The following CSMD1 variants were observed in gnomAD, a reference collection of about 807,000 sequenced individuals.
The protein encoded by CSMD1 is CUB and Sushi multiple domains 1.
Under a neutral mutation model 417.5 loss-of-function variants are expected in CSMD1, and 213 were observed. The observed-to-expected ratio is 0.51, with a 90% confidence interval of 0.46 to 0.57. The LOEUF is 0.57. Among genes scored for constraint, CSMD1 ranks in the 20% least tolerant of loss-of-function variants. The probability of loss-of-function intolerance (pLI) is 0.00; values close to 1 mark genes in which losing one functional copy is unlikely to be tolerated. For missense variants in CSMD1, 6,923 were observed against 4,529.7 expected (o/e 1.53, Z -15.17); for synonymous variants, 2,862 against 1,736.8 (o/e 1.65, Z -16.11).
At chr8:4,153,727 C>A (rs1311516078) in intron 3 of CSMD1, among the ~76,000 whole-genome samples, 1 of 152,212 alleles carries the variant, frequency 6.6e-6, no homozygotes, top group East Asian at 1.9e-4. Flanking sequence ...AGAACCCATG[C>A]AGTGGGCACG....
chr8:3,438,016 A>G (rs1316149759), intron 12 of CSMD1, among the ~76,000 whole-genome samples: 1 of 152,110 alleles, frequency 6.6e-6, no homozygotes, highest in Non-Finnish European at 1.5e-5. Flanking sequence ...ACTGATACCT[A>G]TTTCTAAAAT....
chr8:3,491,455 G>A (rs1032592581), intron 11 of CSMD1, among the ~76,000 whole-genome samples: 2 of 152,276 alleles, frequency 1.3e-5, no homozygotes, highest in Non-Finnish European at 2.9e-5. Context: ...AGTTAGCTAG[G>A]ACATTACTAG....
intron 5 of CSMD1, among the ~76,000 whole-genome samples, chr8:3,977,752 T>A (rs542274905): frequency 1.3e-5 from 2 of 152,356 alleles, no homozygotes; most frequent in East Asian, 3.9e-4. Context: ...CACAATTTTG[T>A]GAATCTGCAT....
At chr8:3,524,634 G>A (rs1797678862) in intron 10 of CSMD1, among the ~76,000 whole-genome samples, 1 of 149,396 alleles carries the variant, frequency 6.7e-6, no homozygotes, top group Admixed American at 6.7e-5. Flanking sequence ...TGCACACCCA[G>A]AGAGACATGT....
intron 5 of CSMD1, among the ~76,000 whole-genome samples, chr8:3,825,182 G>T (rs550000461): frequency 6.6e-6 from 1 of 152,196 alleles, no homozygotes; most frequent in Non-Finnish European, 1.5e-5. Context: ...TGAGGGTTTA[G>T]CGTGCTGATT....
At chr8:4,943,978 G>C (rs1808201397) in intron 1 of CSMD1, among the ~76,000 whole-genome samples, 1 of 152,170 alleles carries the variant, frequency 6.6e-6, no homozygotes, top group Non-Finnish European at 1.5e-5. Flanking sequence ...AACATGACAA[G>C]ACATACTGGC....
In CSMD1 at chr8:4,251,865, G is replaced by C. The variant is rs111424865; in HGVS notation, c.415+168088C>G. On this transcript the variant is annotated intron_variant, in intron 3 of 69. Transcript: ENST00000635120. The stretch of plus-strand genomic sequence containing the variant: ...GATGCAGGAGGAGAGATGGAGGAGA[G>C]AGAGGGTGGAGGAAGAGGGGAAGGG... Among the ~76,000 whole-genome samples, 525 of 146,784 alleles carry C rather than the reference G, an allele frequency of 3.6e-3. 2 individuals carry two copies. The highest frequency in any genetic ancestry group is 4.5e-3 in the Non-Finnish European group (299 of 66,418).
chr8:4,930,872 C>G (rs1405014220), intron 1 of CSMD1, among the ~76,000 whole-genome samples: 2 of 152,260 alleles, frequency 1.3e-5, no homozygotes, highest in Admixed American at 1.3e-4. Context: ...AAAGGGTTCC[C>G]AGAATTACTG....
At chr8:4,216,347 G>C (rs192117013) in intron 3 of CSMD1, among the ~76,000 whole-genome samples, 12 of 152,176 alleles carry the variant, frequency 7.9e-5, no homozygotes, top group African/African-American at 2.4e-4. Flanking sequence ...CAGTTCCCTT[G>C]ATCTCATCAC....
chr8:3,466,084 A>G (rs1445511262), intron 12 of CSMD1, among the ~76,000 whole-genome samples: 2 of 152,234 alleles, frequency 1.3e-5, no homozygotes, highest in Admixed American at 1.3e-4. Flanking sequence ...AATTAAAATG[A>G]AAATGCAAAC....
chr8:3,341,996 G>C (rs764154315), intron 23 of CSMD1, among the ~76,000 whole-genome samples: 1 of 152,200 alleles, frequency 6.6e-6, no homozygotes, highest in Non-Finnish European at 1.5e-5. Context: ...ACATTTCTGA[G>C]AGGGAAATCC....
chr8:4,199,873 A>G (rs17069379), intron 3 of CSMD1, among the ~76,000 whole-genome samples: 30,839 of 152,054 alleles, frequency 0.2, 3,297 homozygotes, highest in East Asian at 0.27. Context: ...TACCATGACA[A>G]TATTTTTAGG....
intron 3 of CSMD1, among the ~76,000 whole-genome samples, chr8:4,147,784 C>G (rs1008668403): frequency 6.6e-5 from 10 of 152,074 alleles, no homozygotes; most frequent in African/African-American, 2.4e-4. Flanking sequence ...AGATCAGAGC[C>G]TGACCCAATG....
At chr8:3,239,678 G>A (rs938924232) in intron 26 of CSMD1, among the ~76,000 whole-genome samples, 2 of 152,224 alleles carry the variant, frequency 1.3e-5, no homozygotes, top group Admixed American at 6.5e-5. Context: ...GAGGTTCTAA[G>A]AGGCGGGCTA....
At chr8:3,954,061 C>G (rs921636291) in intron 5 of CSMD1, among the ~76,000 whole-genome samples, 1 of 152,082 alleles carries the variant, frequency 6.6e-6, no homozygotes, top group Non-Finnish European at 1.5e-5. Context: ...CTCCTGTCCC[C>G]GGGACCCCGC....
chr8:4,050,285 G>A (rs7814135), intron 3 of CSMD1, among the ~76,000 whole-genome samples: 5,800 of 152,150 alleles, frequency 0.038, 351 homozygotes, highest in African/African-American at 0.12. Context: ...TGGAAGGGAG[G>A]AACTATGAGC....
intron 1 of CSMD1, among the ~76,000 whole-genome samples, chr8:4,638,270 T>C (rs1802965653): frequency 6.6e-6 from 1 of 152,116 alleles, no homozygotes; most frequent in South Asian, 2.1e-4. Context: ...ATAAACATTA[T>C]AAAACTATAT....
intron 1 of CSMD1, among the ~76,000 whole-genome samples, chr8:4,702,441 T>A (rs1026382274): frequency 6.6e-6 from 1 of 152,172 alleles, no homozygotes; most frequent in Non-Finnish European, 1.5e-5. Flanking sequence ...ATCTTGAAGT[T>A]CACTCTGGAA....
At position 4,591,603 on chromosome 8, in the gene CSMD1, G is replaced by C. The variant is rs376340482; in HGVS notation, c.302+45739C>G. On this transcript the variant is annotated intron_variant, in intron 2 of 69. Transcript: ENST00000635120. Reference sequence around the variant, plus strand: ...AGCAGATGCAAGCAGCTTTCCAAGGGTAGTGATGGCGGAACTGGGCCTTCA... The same window carrying C: ...AGCAGATGCAAGCAGCTTTCCAAGGCTAGTGATGGCGGAACTGGGCCTTCA... Among the ~76,000 whole-genome samples, 10 of 152,308 alleles carry C rather than the reference G, an allele frequency of 6.6e-5. No individual in the cohort carries two copies. The East Asian group carries it at 1.5e-3, about 24-fold the overall frequency.
Sources: gnomAD v4.1 joint callset for allele counts (sites outside exome capture counted in the v4.1 genomes callset) on GRCh38, gnomAD v4.1.1 for gene constraint, MANE v1.5 for transcripts, NCBI Gene and HGNC (gene_info 2026-07-23, HGNC 2026-07-21) for gene names.